Variants in DMRT1 observed in about 807,000 individuals in gnomAD.
DMRT1 encodes the protein doublesex- and mab-3-related transcription factor 1.
DMRT1 carries 7 observed loss-of-function variants against 32.3 expected under a neutral mutation model. The observed-to-expected ratio is 0.22, with a 90% CI of 0.12 to 0.41. The LOEUF (loss-of-function observed/expected upper bound fraction) is 0.41. DMRT1 is among the 10% of genes least tolerant of loss of function. DMRT1 has a pLI of 1.00. For missense variants in DMRT1, 625 were observed against 500.5 expected (o/e 1.25, Z -2.37); for synonymous variants, 278 against 206.1 (o/e 1.35, Z -2.99).
intron 4 of DMRT1, among the ~76,000 whole-genome samples, chr9:956,763 G>T (rs150259093): frequency 1.2e-3 from 186 of 152,202 alleles, no homozygotes; most frequent in African/African-American, 3.9e-3. Flanking sequence ...GTAAATAACT[G>T]CCAGCCTTTC....
At chr9:884,880 G>T (rs1816865983) in intron 2 of DMRT1, among the ~76,000 whole-genome samples, 1 of 152,188 alleles carries the variant, frequency 6.6e-6, no homozygotes, top group Non-Finnish European at 1.5e-5. Flanking sequence ...TGAGGCAGGA[G>T]AATCACTTGA....
intron 4 of DMRT1, among the ~76,000 whole-genome samples, chr9:956,028 C>CA (rs1177671785): frequency 6.6e-6 from 1 of 152,166 alleles, no homozygotes; most frequent in Non-Finnish European, 1.5e-5. Context: ...CGCAAATGAC[C>CA]ATTAGTGCAT....
Position 863,377 on chromosome 9 carries a change from C to G in DMRT1, c.538+16234C>G, listed in dbSNP as rs550479337. On this transcript the variant is annotated intron_variant, in intron 2 of 4. Transcript: ENST00000382276. ...TGGACAGAACCTTTCCTGGCTGCAACTAGAGATGCCATGACAGAAGACACA... is the reference window on the plus strand; with the variant it reads ...TGGACAGAACCTTTCCTGGCTGCAAGTAGAGATGCCATGACAGAAGACACA... Among the ~76,000 whole-genome samples, 6 of 150,056 alleles carry G rather than the reference C, an allele frequency of 4.0e-5. No homozygotes were observed. The South Asian group carries it at 1.1e-3, about 27-fold the overall frequency.
intron 3 of DMRT1, among the ~76,000 whole-genome samples, chr9:914,674 A>T (rs1203869363): frequency 6.6e-6 from 1 of 152,144 alleles, no homozygotes; most frequent in East Asian, 1.9e-4. Context: ...TCAGAAAAAC[A>T]AACTAGAAAG....
chr9:875,303 A>T (rs1361755580), intron 2 of DMRT1, among the ~76,000 whole-genome samples: 1 of 152,170 alleles, frequency 6.6e-6, no homozygotes, highest in Admixed American at 6.5e-5. Context: ...AGATGATACC[A>T]GGTGCTGCCC....
intron 3 of DMRT1, among the ~76,000 whole-genome samples, chr9:897,118 T>C (rs1213309741): frequency 6.7e-6 from 1 of 149,278 alleles, no homozygotes; most frequent in East Asian, 2.0e-4. Context: ...TTATTATTAT[T>C]ATTATTATTT....
In DMRT1 at chr9:946,652, C is replaced by T. The variant is rs1216226227; in HGVS notation, c.968-21333C>T. ...TCCGGTAAAGAGCCTTGTGACTTTC[C>T]TTCCTTGTAGTTACTTTCTCATTAC... On this transcript the variant is annotated intron_variant, in intron 4 of 4. Coordinates refer to ENST00000382276, the MANE Select transcript of DMRT1 (RefSeq NM_021951.3). Among the ~76,000 whole-genome samples, 3 of 152,296 alleles carry T rather than the reference C, an allele frequency of 2.0e-5. No homozygotes were observed. In the East Asian group the frequency reaches 5.8e-4, roughly 29 times the overall value.
At chr9:901,004 T>A (rs1200114893) in intron 3 of DMRT1, among the ~76,000 whole-genome samples, 1 of 151,630 alleles carries the variant, frequency 6.6e-6, no homozygotes, top group Non-Finnish European at 1.5e-5. Flanking sequence ...ACTTCAGTTT[T>A]TTTTTTTTAA....
intron 4 of DMRT1, 74 bp from the exon 5 acceptor site, chr9:967,911 T>C: frequency 5.1e-6 from 7 of 1,378,504 alleles, no homozygotes; most frequent in Non-Finnish European, 7.1e-6. Context: ...GAATAATGAA[T>C]GTATAAAGAC....
At chr9:855,384 G>C (rs1400757532) in intron 2 of DMRT1, among the ~76,000 whole-genome samples, 1 of 152,154 alleles carries the variant, frequency 6.6e-6, no homozygotes, top group Non-Finnish European at 1.5e-5. Context: ...TGTCTCCCTT[G>C]TGAAAATCTA....
rs781276476 is a variant in DMRT1, at chr9:894,060, G to C, written c.687G>C (p.Pro229=). ...FPYYNNLYNC[P]QYSMALAADS... ...ATTACAACAATCTATACAACTGCCC[G>C]CAGTACTCCATGGCCTTGGCTGCTG... Residue 229 remains proline, a synonymous_variant, in exon 3 of 5, where the codon CCG becomes CCC. Transcript: ENST00000382276. 1.9e-6 allele frequency: 3 copies of C among 1,614,124 alleles called. No homozygotes were observed. Among genetic ancestry groups the C allele is most frequent in the Non-Finnish European group, 2.5e-6 (3 of 1,180,068 alleles).
chr9:923,913 G>A (rs1461157126), intron 4 of DMRT1, among the ~76,000 whole-genome samples: 5 of 152,120 alleles, frequency 3.3e-5, no homozygotes, highest in African/African-American at 4.8e-5. Context: ...TTTTCGTTAT[G>A]TGTCCATTTT....
chr9:867,107 G>A (rs529387489), intron 2 of DMRT1, among the ~76,000 whole-genome samples: 1 of 152,162 alleles, frequency 6.6e-6, no homozygotes, highest in East Asian at 1.9e-4. Context: ...TATAAAAGAG[G>A]GAGAGAGATT....
chr9:903,580 G>C (rs969761184), intron 3 of DMRT1, among the ~76,000 whole-genome samples: 2 of 152,208 alleles, frequency 1.3e-5, no homozygotes, highest in African/African-American at 4.8e-5. Context: ...TCTTTGTCTG[G>C]AGCCAAAGCT....
chr9:847,289 T>A, intron 2 of DMRT1, 146 bp downstream of exon 2: 3 of 840,606 alleles, frequency 3.6e-6, no homozygotes, highest in Non-Finnish European at 5.4e-6. Flanking sequence ...TGAAGGGCTG[T>A]TTGTGCCTGC....
In DMRT1 at chr9:924,111, T is replaced by A. The variant is rs551078996; in HGVS notation, c.967+7204T>A. Among the ~76,000 whole-genome samples, 11 of 149,338 alleles carry A rather than the reference T, an allele frequency of 7.4e-5. No homozygotes were observed. In the East Asian group the frequency reaches 2.2e-3, roughly 30 times the overall value. ...TTTCCACCTGGAGTCTCTCTCTGTCTCCCAGGCTGGAGTGCAGTGGCATGA... is the reference window on the plus strand; with the variant it reads ...TTTCCACCTGGAGTCTCTCTCTGTCACCCAGGCTGGAGTGCAGTGGCATGA... On this transcript the variant is annotated intron_variant, in intron 4 of 4. Transcript: ENST00000382276.
At chr9:869,077 C>T (rs1816117588) in intron 2 of DMRT1, among the ~76,000 whole-genome samples, 1 of 152,196 alleles carries the variant, frequency 6.6e-6, no homozygotes, top group Non-Finnish European at 1.5e-5. Flanking sequence ...CTTAGTGCAG[C>T]TTCTCTTGGT....
At chr9:939,628 C>T (rs999391577) in intron 4 of DMRT1, among the ~76,000 whole-genome samples, 1 of 152,152 alleles carries the variant, frequency 6.6e-6, no homozygotes, top group African/African-American at 2.4e-5. Flanking sequence ...TTGCATTATT[C>T]TCTGCTTAAC....
At chr9:951,410 T>C (rs962125738) in intron 4 of DMRT1, among the ~76,000 whole-genome samples, 2 of 152,226 alleles carry the variant, frequency 1.3e-5, no homozygotes, top group Non-Finnish European at 2.9e-5. Context: ...GTCTTTTCTG[T>C]AAATTATGAA....
Sources: gnomAD v4.1 joint callset for allele counts (sites outside exome capture counted in the v4.1 genomes callset) on GRCh38, gnomAD v4.1.1 for gene constraint, MANE v1.5 for transcripts, NCBI Gene and HGNC (gene_info 2026-07-23, HGNC 2026-07-21) for gene names.